The following MAP4 variants were observed in gnomAD, a reference collection of about 807,000 sequenced individuals.
MAP4 encodes microtubule-associated protein 4.
A neutral mutation model predicts 170.2 loss-of-function variants in MAP4; 76 were observed. The observed-to-expected ratio is 0.45, with a 90% CI of 0.37 to 0.54. The LOEUF (loss-of-function observed/expected upper bound fraction) is 0.54, where lower values mean the gene tolerates loss of function less well. Ranked by LOEUF, MAP4 falls within the 20% of genes least tolerant of loss-of-function variation. The pLI, the probability that MAP4 is intolerant of heterozygous loss-of-function variation, is 0.00. For missense variants in MAP4, 2,506 were observed against 2,748.0 expected, an observed-to-expected ratio of 0.91 and a Z score of 1.97; for synonymous variants, 909 against 994.5, an observed-to-expected ratio of 0.91 and a Z score of 1.62.
intron 2 of MAP4, chr3:47,987,461 G>A: frequency 7.0e-7 from 1 of 1,429,622 alleles, no homozygotes; most frequent in South Asian, 1.3e-5. Context: ...CAGAAGTCAG[G>A]GAATGTTCTG....
Position 47,910,955 on chromosome 3 carries a change from C to T in MAP4, c.3466G>A (p.Ala1156Thr), listed in dbSNP as rs2100035671. Residue 1156 changes from alanine (A) to threonine (T), a missense_variant, in exon 9 of 21, where the codon GCA becomes ACA. By Grantham distance (58) the Ala-to-Thr change is moderately conservative. This residue lies in a region of MAP4 where 2,008 missense variants were observed against 2,206.0 expected (regional missense o/e 0.91). Coordinates refer to ENST00000683076, the MANE Select transcript of MAP4 (RefSeq NM_001385682.1). The stretch of plus-strand genomic sequence containing the variant: ...GATCCACTTTCCAAAGGAATCAATG[C>T]CTGCATGGTGCCTGCCACCTTAGGC... ...TQPKVAGTMQALIPLESGSGM... is the reference protein window; with the variant it reads ...TQPKVAGTMQTLIPLESGSGM... 2 of 1,536,152 alleles carry T rather than the reference C, an allele frequency of 1.3e-6. No homozygotes were observed. The highest frequency in any genetic ancestry group is 1.2e-5 in the South Asian group (1 of 84,064).
In MAP4 at chr3:47,909,173, T is replaced by C. The variant is rs768604227; in HGVS notation, c.5248A>G (p.Lys1750Glu). 8 of 1,614,018 alleles carry C rather than the reference T, an allele frequency of 5.0e-6. No individual in the cohort carries two copies. The East Asian group carries it at 6.7e-5, about 13-fold the overall frequency. ...KSESKTPGEG[K>E]KEDKSRMAEP... ...GCCATTCTGCTTTTATCTTCCTTTT[T>C]CCCTTCTCCTGGTGTCTTTGATTCA... is the stretch of plus-strand genomic sequence containing the variant. The change falls in exon 9 of 21, where the codon AAA (lysine) becomes GAA (glutamate). Residue 1750 changes from lysine (K) to glutamate (E), a missense_variant. Transcript: ENST00000683076.
At chr3:47,923,991 A>G (rs941416721) in intron 4 of MAP4, among the ~76,000 whole-genome samples, 2 of 152,202 alleles carry the variant, frequency 1.3e-5, no homozygotes, top group Non-Finnish European at 2.9e-5. Context: ...TAAAGCATCA[A>G]ACAGACTAAA....
At chr3:47,923,047 CA>C (rs887071534) in intron 4 of MAP4, among the ~76,000 whole-genome samples, 9 of 138,234 alleles carry the variant, frequency 6.5e-5, no homozygotes, top group African/African-American at 1.1e-4. Context: ...GAGACTGTCT[CA>C]AAAAAAAAAG....
intron 1 of MAP4, among the ~76,000 whole-genome samples, chr3:48,025,043 C>T (rs2100112329): frequency 6.6e-6 from 1 of 151,934 alleles, no homozygotes; most frequent in Non-Finnish European, 1.5e-5. Context: ...GCCTCGACCT[C>T]CCAGTCACCT....
In MAP4 at chr3:48,048,903, C is replaced by T. The variant is rs140533579; in HGVS notation, c.-20+39870G>A. Among the ~76,000 whole-genome samples, 94 of 152,200 alleles carry T rather than the reference C, an allele frequency of 6.2e-4. No homozygotes were observed. In the East Asian group the frequency reaches 0.014, roughly 23 times the overall value. On this transcript the variant is annotated intron_variant, in intron 1 of 18. Coordinates refer to the MAP4 transcript ENST00000360240. The stretch of plus-strand genomic sequence containing the variant: ...ATCAAGATACAGAACTGTTCTGCTA[C>T]CTCTCTGTATTTATAGCCCCTCCAC...
chr3:48,015,072 C>A (rs2100107102), intron 1 of MAP4, among the ~76,000 whole-genome samples: 1 of 152,162 alleles, frequency 6.6e-6, no homozygotes, highest in African/African-American at 2.4e-5. Flanking sequence ...CAAAGACAAG[C>A]TTGCTATCTT....
chr3:47,972,966 G>A lies in MAP4; in HGVS notation c.292+4899C>T, dbSNP rs1362635985. 5.7e-5 allele frequency: 53 copies of A among 922,262 alleles called. No homozygotes were observed. In the Admixed American group the frequency reaches 3.0e-3, roughly 52 times the overall value. 57.1% of individuals were successfully genotyped at this position (922,262 alleles called of 1,614,324 possible). On this transcript the variant is annotated intron_variant, in intron 3 of 20. Coordinates refer to ENST00000683076, the MANE Select transcript of MAP4 (RefSeq NM_001385682.1). ...ACTTAAAAGTCCATACAATTAATCCGGGTGGGATTAGAAGCTATATTAGAC... is the reference window on the plus strand; with the variant it reads ...ACTTAAAAGTCCATACAATTAATCCAGGTGGGATTAGAAGCTATATTAGAC...
chr3:47,883,854 T>C (rs1210069035), intron 10 of MAP4, among the ~76,000 whole-genome samples: 4 of 152,082 alleles, frequency 2.6e-5, no homozygotes, highest in African/African-American at 9.7e-5. Context: ...CTCAGCACCA[T>C]AAGGAAGGTT....
At chr3:48,052,820 T>C (rs2100128618) in intron 1 of MAP4, among the ~76,000 whole-genome samples, 1 of 152,186 alleles carries the variant, frequency 6.6e-6, no homozygotes, top group Non-Finnish European at 1.5e-5. Flanking sequence ...ACAGAACGGC[T>C]AAGAGGAAAA....
intron 1 of MAP4, among the ~76,000 whole-genome samples, chr3:48,040,942 T>C (rs991271193): frequency 6.6e-6 from 1 of 151,572 alleles, no homozygotes; most frequent in Non-Finnish European, 1.5e-5. Context: ...CTCAGGTATC[T>C]GCAAGCCTTG....
intron 3 of MAP4, among the ~76,000 whole-genome samples, chr3:47,949,465 C>CAAAA (rs60076214): frequency 2.5e-4 from 18 of 70,862 alleles, no homozygotes; most frequent in Admixed American, 5.4e-4. Context: ...GACTGCGTCC[C>CAAAA]AAAAAAAAAA....
At position 47,910,907 on chromosome 3, in the gene MAP4, C is replaced by T; in HGVS notation, c.3514G>A (p.Val1172Ile). 6.5e-7 allele frequency: 1 copy of T among 1,536,112 alleles called. No individual in the cohort carries two copies. The highest frequency in any genetic ancestry group is 8.7e-7 in the Non-Finnish European group (1 of 1,146,912). The change falls in exon 9 of 21, where the codon GTT becomes ATT. Residue 1172 changes from valine (V) to isoleucine (I), a missense_variant. Val to Ile is a conservative substitution (Grantham distance 29). Around this residue, in one of 3 missense-constraint regions of MAP4, gnomAD observed 2,008 missense variants for 2,206.0 expected, o/e 0.91. Coordinates refer to ENST00000683076, the MANE Select transcript of MAP4 (RefSeq NM_001385682.1). Reference protein sequence around the residue: ...SGSGMTQTSGVSTETGDVVKD... With the variant: ...SGSGMTQTSGISTETGDVVKD... ...ACTACATCTCCTGTTTCTGTGCTAA[C>T]ACCAGAAGTCTGAGTCATGCCTGAT...
intron 1 of MAP4, among the ~76,000 whole-genome samples, chr3:48,023,982 T>C (rs1293637057): frequency 6.6e-6 from 1 of 152,028 alleles, no homozygotes; most frequent in African/African-American, 2.4e-5. Context: ...CAAAAAGCAA[T>C]ATGCAACAGG....
At chr3:47,999,678 G>C (rs2100098086) in intron 1 of MAP4, among the ~76,000 whole-genome samples, 1 of 152,088 alleles carries the variant, frequency 6.6e-6, no homozygotes, top group Non-Finnish European at 1.5e-5. Context: ...AGAAACTGCA[G>C]ACACTGGGGT....
chr3:48,029,443 A>G (rs2100114825), intron 1 of MAP4, among the ~76,000 whole-genome samples: 1 of 152,126 alleles, frequency 6.6e-6, no homozygotes, highest in African/African-American at 2.4e-5. Context: ...CTCTAAATAA[A>G]TAAATAAGTA....
intron 1 of MAP4, among the ~76,000 whole-genome samples, chr3:48,030,525 G>A (rs1033980534): frequency 6.6e-6 from 1 of 151,146 alleles, no homozygotes; most frequent in Non-Finnish European, 1.5e-5. Context: ...TTGGCCGGAC[G>A]AGGTGGCTCA....
rs1349073185 is a variant in MAP4 at position 48,057,037 on chromosome 3, C to T, written c.-20+31736G>A. Among the ~76,000 whole-genome samples, 6 of 143,744 alleles carry T rather than the reference C, an allele frequency of 4.2e-5. No homozygotes were observed. In the East Asian group the frequency reaches 8.6e-4, roughly 21 times the overall value. 94.3% of individuals were successfully genotyped at this position (143,744 alleles called of 152,430 possible). A position where few individuals can be genotyped will look rare whatever the true frequency, so the allele number is the denominator to read the frequency against. On this transcript the variant is annotated intron_variant, in intron 1 of 18. Coordinates refer to the MAP4 transcript ENST00000360240. ...GCCGCCCCGTCCGGGAGGTGAGGGG[C>T]GCCTCTGCCCGGCCGCCCCTACTGG... is the stretch of plus-strand genomic sequence containing the variant.
chr3:47,855,199 T>C lies in MAP4; in HGVS notation c.6696+49A>G, dbSNP rs1006415717. On this transcript the variant is annotated intron_variant, in intron 19 of 20. Coordinates refer to ENST00000683076, the MANE Select transcript of MAP4 (RefSeq NM_001385682.1). The surrounding 1 kb of genome is among the most constrained non-coding windows in gnomAD (Gnocchi z 5.1). ...TGTGAGGACCCTGACCCTAACTGCA[T>C]AGTTCCCACCCCTCCCCAGCTGTGT... The C allele has an allele frequency of 3.7e-6, 5 of 1,358,232 alleles. 1 individual carries two copies. Among genetic ancestry groups the C allele is most frequent in the Non-Finnish European group, 5.3e-6 (5 of 948,004 alleles). The allele number at this position is 1,358,232 out of a possible 1,614,324, so 84.1% of individuals were successfully genotyped here.
Sources: gnomAD v4.1 joint callset for allele counts (sites outside exome capture counted in the v4.1 genomes callset) on GRCh38, gnomAD v4.1.1 for gene constraint, gnomAD v4.1.1 regional missense constraint, Gnocchi (gnomAD v3.1) non-coding constraint, MANE v1.5 for transcripts, NCBI Gene and HGNC (gene_info 2026-07-23, HGNC 2026-07-21) for gene names.